Variants in CENPP observed in about 807,000 individuals in gnomAD.
CENPP encodes centromere protein P.
A neutral mutation model predicts 35.6 loss-of-function variants in CENPP; 24 were observed. The observed-to-expected ratio is 0.67, with a 90% CI of 0.49 to 0.95. CENPP has a LOEUF of 0.95. Among genes scored for constraint, CENPP ranks in the 40% least tolerant of loss-of-function variants. The pLI is 0.00. For synonymous variants in CENPP, 120 were observed against 125.5 expected (o/e 0.96, Z 0.29); for missense variants, 332 against 345.3 (o/e 0.96, Z 0.31).
intron 5 of CENPP, among the ~76,000 whole-genome samples, chr9:92,472,573 G>A (rs1469585223): frequency 6.6e-6 from 1 of 151,748 alleles, no homozygotes; most frequent in African/African-American, 2.4e-5. Context: ...CAGGAAAATC[G>A]CTTGAACCCA....
intron 4 of CENPP, among the ~76,000 whole-genome samples, chr9:92,378,012 A>G (rs1026125819): frequency 2.0e-5 from 3 of 152,186 alleles, no homozygotes; most frequent in Non-Finnish European, 4.4e-5. Flanking sequence ...GAAAGTTAAC[A>G]GAGCAACCCA....
intron 5 of CENPP, among the ~76,000 whole-genome samples, chr9:92,483,857 G>C (rs1393753200): frequency 6.6e-6 from 1 of 152,152 alleles, no homozygotes; most frequent in South Asian, 2.1e-4. Flanking sequence ...CAGGCAGCTC[G>C]GTAGTCCCAT....
intron 5 of CENPP, among the ~76,000 whole-genome samples, chr9:92,566,121 T>G (rs1849961022): frequency 1.3e-5 from 2 of 152,022 alleles, no homozygotes; most frequent in South Asian, 4.2e-4. Context: ...GTCATCATGG[T>G]GAAACCCCGT....
At position 92,514,865 on chromosome 9, in the gene CENPP, C is replaced by G. The variant is rs137929518; in HGVS notation, c.565-96449C>G. On this transcript the variant is annotated intron_variant, in intron 5 of 7. Transcript: ENST00000375587. ...CCCTCCTCACCCTCCTCCTCCTCAT[C>G]CTCCTCCTCCTCCCTTCCTTGGCGT... 7.7e-5 allele frequency: 123 copies of G among 1,604,576 alleles called. No homozygotes were observed. In the African/African-American group the frequency reaches 1.4e-3, roughly 18 times the overall value.
At chr9:92,492,436 C>T (rs1282230788) in intron 5 of CENPP, among the ~76,000 whole-genome samples, 1 of 152,174 alleles carries the variant, frequency 6.6e-6, no homozygotes, top group Non-Finnish European at 1.5e-5. Context: ...GGACACTGTG[C>T]ATATTTCAAC....
chr9:92,397,514 GA>G (rs1242863561), intron 5 of CENPP, among the ~76,000 whole-genome samples: 1 of 152,098 alleles, frequency 6.6e-6, no homozygotes, highest in Non-Finnish European at 1.5e-5. Context: ...ATTTTTAGTA[GA>G]GACGGGGTTT....
At chr9:92,346,082 C>G (rs1357817761) in intron 4 of CENPP, among the ~76,000 whole-genome samples, 1 of 152,122 alleles carries the variant, frequency 6.6e-6, no homozygotes, top group African/African-American at 2.4e-5. Context: ...AGATATTGAT[C>G]AAATAATGGC....
rs1018031183 is a variant in CENPP, at chr9:92,549,655, AAAAC to A, written c.565-61655_565-61652del. Among the ~76,000 whole-genome samples, 6 of 143,788 alleles carry A rather than the reference AAAAC, an allele frequency of 4.2e-5. 1 individual carries two copies. The highest frequency in any genetic ancestry group is 1.1e-4 in the African/African-American group (4 of 35,574). The allele number at this position is 143,788 out of a possible 152,430, so 94.3% of individuals were successfully genotyped here. On this transcript the variant is annotated intron_variant, in intron 5 of 7. Coordinates refer to ENST00000375587, the MANE Select transcript of CENPP (RefSeq NM_001012267.3). ...GAGCATGACTCCGTCTCAAAAAAAA[AAAAC>A]AAAACAAAACAAAACTAGATGACAT...
chr9:92,429,940 A>G (rs965319808), intron 5 of CENPP, among the ~76,000 whole-genome samples: 1 of 152,004 alleles, frequency 6.6e-6, no homozygotes, highest in Non-Finnish European at 1.5e-5. Flanking sequence ...AGATGTTTCT[A>G]CTCTTTTCCT....
intron 5 of CENPP, among the ~76,000 whole-genome samples, chr9:92,407,589 A>C (rs1175654454): frequency 6.6e-6 from 1 of 152,200 alleles, no homozygotes; most frequent in African/African-American, 2.4e-5. Flanking sequence ...TTGTATCCAA[A>C]GATGAAAGAG....
At chr9:92,349,415 T>A (rs527303267) in intron 4 of CENPP, among the ~76,000 whole-genome samples, 85 of 151,156 alleles carry the variant, frequency 5.6e-4, no homozygotes, top group African/African-American at 1.7e-3. Flanking sequence ...TTTTATTTTT[T>A]TTTTTTTGAG....
At position 92,590,424 on chromosome 9, in the gene CENPP, C is replaced by T. The variant is rs562825968; in HGVS notation, c.565-20890C>T. Among the ~76,000 whole-genome samples the T allele has an allele frequency of 2.8e-4, 42 of 152,244 alleles. No individual in the cohort carries two copies. In the South Asian group the frequency reaches 8.5e-3, roughly 31 times the overall value. ...TTGATTTTTAAAACAGTGTAGAATT[C>T]GTATTTGTCTGAGGCCGAAGTATGA... On this transcript the variant is annotated intron_variant, in intron 5 of 7. Coordinates refer to ENST00000375587, the MANE Select transcript of CENPP (RefSeq NM_001012267.3).
intron 5 of CENPP, among the ~76,000 whole-genome samples, chr9:92,592,258 T>C (rs958958176): frequency 2.6e-5 from 4 of 152,140 alleles, no homozygotes; most frequent in Admixed American, 1.3e-4. Context: ...GGAAACAGCA[T>C]GAGCAGCCCC....
At chr9:92,503,451 T>G (rs551973269) in intron 5 of CENPP, among the ~76,000 whole-genome samples, 219 of 152,344 alleles carry the variant, frequency 1.4e-3, no homozygotes, top group African/African-American at 4.8e-3. Flanking sequence ...TATAATATTT[T>G]AGGCTCATGT....
At chr9:92,598,657 G>A (rs1036398529) in intron 5 of CENPP, among the ~76,000 whole-genome samples, 10 of 151,596 alleles carry the variant, frequency 6.6e-5, no homozygotes, top group Non-Finnish European at 1.5e-5. Context: ...TGTCTCCTGA[G>A]ACAGAAATTT....
intron 5 of CENPP, chr9:92,517,895 C>T: frequency 6.2e-7 from 1 of 1,612,874 alleles, no homozygotes; most frequent in South Asian, 1.1e-5. Context: ...AACAAAAGCA[C>T]AAATTTAAAT....
In CENPP at chr9:92,517,898, A is replaced by C. The variant is rs1034968985; in HGVS notation, c.565-93416A>C. On this transcript the variant is annotated intron_variant, in intron 5 of 7. Transcript: ENST00000375587. ...TTCCTAGAAGAAAACAAAAGCACAA[A>C]TTTAAATTTCTTATGTGATTATCAG... The C allele has an allele frequency of 6.2e-6, 10 of 1,613,004 alleles. No individual in the cohort carries two copies. Among genetic ancestry groups the C allele is most frequent in the Non-Finnish European group, 8.5e-6 (10 of 1,179,368 alleles).
intron 5 of CENPP, among the ~76,000 whole-genome samples, chr9:92,526,694 CAA>C (rs1848434187): frequency 6.6e-6 from 1 of 151,438 alleles, no homozygotes; most frequent in East Asian, 1.9e-4. Flanking sequence ...AATGCTATTA[CAA>C]AAGAGTCAAA....
chr9:92,533,151 T>A (rs1848906904), intron 5 of CENPP, among the ~76,000 whole-genome samples: 1 of 148,580 alleles, frequency 6.7e-6, no homozygotes, highest in African/African-American at 2.5e-5. Flanking sequence ...ACAAAAAAAA[T>A]TAGCTGGGTG....
Sources: allele counts gnomAD v4.1 joint callset (sites outside exome capture counted in the v4.1 genomes callset), GRCh38; gene constraint gnomAD v4.1.1; transcripts MANE v1.5; gene names NCBI Gene and HGNC (gene_info 2026-07-23, HGNC 2026-07-21).